The following NAV3 variants were observed in gnomAD, a reference collection of about 807,000 sequenced individuals.
NAV3 encodes pore membrane and/or filament interacting like protein 1.
NAV3 carries 87 observed loss-of-function variants against 244.7 expected under a neutral mutation model. The observed-to-expected ratio is 0.36, with a 90% CI of 0.30 to 0.42. The LOEUF is 0.42. NAV3 is among the 20% of genes least tolerant of loss of function. The probability of loss-of-function intolerance (pLI) is 1.00; values close to 1 mark genes in which losing one functional copy is unlikely to be tolerated. For missense variants in NAV3, 2,663 were observed against 2,893.3 expected, an observed-to-expected ratio of 0.92 and a Z score of 1.83; for synonymous variants, 1,126 against 1,042.2, an observed-to-expected ratio of 1.08 and a Z score of -1.55.
intron 1 of NAV3, among the ~76,000 whole-genome samples, chr12:77,847,985 C>A (rs1195937957): frequency 2.0e-5 from 3 of 152,188 alleles, no homozygotes; most frequent in Non-Finnish European, 4.4e-5. Flanking sequence ...TGTCTTGCCA[C>A]CTGGATTCTC....
chr12:78,190,371 C>T (rs1449318733), intron 34 of NAV3, 152 bp downstream of exon 34: 3 of 661,724 alleles, frequency 4.5e-6, no homozygotes, highest in African/African-American at 3.6e-5. Context: ...AGTGATCAAA[C>T]TCTGTTTCAT....
At chr12:77,653,088 G>A (rs1371278846) in intron 2 of NAV3, among the ~76,000 whole-genome samples, 5 of 152,174 alleles carry the variant, frequency 3.3e-5, no homozygotes, top group Admixed American at 6.5e-5. Flanking sequence ...ACGGGTCAGA[G>A]CCTTTAATAT....
intron 28 of NAV3, 110 bp from the exon 29 acceptor site, chr12:78,179,419 C>A: frequency 7.7e-7 from 1 of 1,303,026 alleles, no homozygotes; most frequent in Non-Finnish European, 1.1e-6. Context: ...AGCAGCACAC[C>A]ATATCTGTAC....
chr12:78,149,404 A>G (rs1956986749), intron 22 of NAV3, among the ~76,000 whole-genome samples: 1 of 152,154 alleles, frequency 6.6e-6, no homozygotes, highest in African/African-American at 2.4e-5. Context: ...GGTTTGCTCA[A>G]AAAACCTTGG....
At chr12:77,947,622 T>C (rs1388839943) in intron 3 of NAV3, 4 of 151,990 alleles carry the variant, frequency 2.6e-5, no homozygotes, top group Admixed American at 1.3e-4. Context: ...CTGGAATGGC[T>C]AGAAAAAGAT....
chr12:78,075,038 A>G (rs1003907470), intron 12 of NAV3, among the ~76,000 whole-genome samples: 2 of 152,104 alleles, frequency 1.3e-5, no homozygotes, highest in African/African-American at 4.8e-5. Flanking sequence ...ATTGAGAAGA[A>G]CTTTTTTCCC....
At chr12:77,730,803 C>A (rs1877090374) in intron 2 of NAV3, among the ~76,000 whole-genome samples, 1 of 148,172 alleles carries the variant, frequency 6.7e-6, no homozygotes. Context: ...CAAAAAAGCA[C>A]ATAATCATGA....
At chr12:78,028,899 A>G (rs943134282) in intron 9 of NAV3, among the ~76,000 whole-genome samples, 11 of 152,210 alleles carry the variant, frequency 7.2e-5, no homozygotes, top group South Asian at 2.1e-4. Flanking sequence ...TGATCCTTCA[A>G]TCGAAAAAGA....
At chr12:77,805,402 T>G (rs1871924278) in intron 2 of NAV3, among the ~76,000 whole-genome samples, 2 of 152,230 alleles carry the variant, frequency 1.3e-5, no homozygotes, top group South Asian at 4.1e-4. Context: ...ATCAAAGGTC[T>G]TTTCTGCATC....
chr12:77,977,689 T>TAC (rs35073855), intron 5 of NAV3, among the ~76,000 whole-genome samples: 2,401 of 141,964 alleles, frequency 0.017, 26 homozygotes, highest in Admixed American at 0.023. Flanking sequence ...GATATATATA[T>TAC]ACACACACAC....
At chr12:77,913,836 C>A (rs913039211) in intron 1 of NAV3, among the ~76,000 whole-genome samples, 1 of 152,020 alleles carries the variant, frequency 6.6e-6, no homozygotes, top group African/African-American at 2.4e-5. Context: ...AGTATGTTTC[C>A]TTAATTATGT....
chr12:77,856,642 T>G (rs1412999505), intron 1 of NAV3, among the ~76,000 whole-genome samples: 9 of 152,072 alleles, frequency 5.9e-5, no homozygotes, highest in Admixed American at 5.9e-4. Flanking sequence ...AATAATAAAA[T>G]AACATTCTTA....
At chr12:77,929,708 T>C (rs902197744) in intron 1 of NAV3, among the ~76,000 whole-genome samples, 1 of 151,772 alleles carries the variant, frequency 6.6e-6, no homozygotes, top group Non-Finnish European at 1.5e-5. Flanking sequence ...TCTCGGCTCA[T>C]TGCAACCTCT....
chr12:78,177,256 C>G lies in NAV3; in HGVS notation c.5240C>G (p.Pro1747Arg), dbSNP rs1958272763. 1 of 1,613,566 alleles carries G rather than the reference C, an allele frequency of 6.2e-7. No individual in the cohort carries two copies. The highest frequency in any genetic ancestry group is 2.2e-5 in the East Asian group (1 of 44,800). The change falls in exon 27 of 40, where the codon CCC becomes CGC. Residue 1747 changes from proline to arginine, a missense_variant. By Grantham distance (103) the Pro-to-Arg change is moderately radical. Coordinates refer to ENST00000397909, the MANE Select transcript of NAV3 (RefSeq NM_001024383.2). ...DSSLPASPKLPHNAGDCGSAS... is the reference protein window; with the variant it reads ...DSSLPASPKLRHNAGDCGSAS... ...TCCCTTCCGGCATCCCCCAAGTTACCCCATAATGCTGGTGACTGTGGCTCA... is the reference window on the plus strand; with the variant it reads ...TCCCTTCCGGCATCCCCCAAGTTACGCCATAATGCTGGTGACTGTGGCTCA...
At chr12:77,656,969 G>A (rs1873140913) in intron 2 of NAV3, among the ~76,000 whole-genome samples, 1 of 152,020 alleles carries the variant, frequency 6.6e-6, no homozygotes, top group East Asian at 1.9e-4. Context: ...GTGTGTAGAG[G>A]GAAATTTATA....
At chr12:77,716,559 C>A (rs1267625058) in intron 2 of NAV3, among the ~76,000 whole-genome samples, 1 of 151,516 alleles carries the variant, frequency 6.6e-6, no homozygotes, top group Admixed American at 6.6e-5. Context: ...TATATAACTC[C>A]TTGACTTTAT....
chr12:77,917,179 T>A (rs1887231459), intron 1 of NAV3, among the ~76,000 whole-genome samples: 1 of 152,014 alleles, frequency 6.6e-6, no homozygotes, highest in African/African-American at 2.4e-5. Context: ...AACCAGATGC[T>A]GTGGAAGAGG....
intron 2 of NAV3, among the ~76,000 whole-genome samples, chr12:77,766,996 A>G (rs556273538): frequency 7.9e-5 from 12 of 151,908 alleles, no homozygotes; most frequent in Non-Finnish European, 1.3e-4. Context: ...TCAGGTGATC[A>G]GCCCGCCTTG....
chr12:77,740,027 C>CT (rs1868299174), intron 2 of NAV3, among the ~76,000 whole-genome samples: 1 of 152,104 alleles, frequency 6.6e-6, no homozygotes, highest in Non-Finnish European at 1.5e-5. Flanking sequence ...TTCTTCAGTG[C>CT]TTTAAAAGAA....
Sources: gnomAD v4.1 joint callset for allele counts (sites outside exome capture counted in the v4.1 genomes callset) on GRCh38, gnomAD v4.1.1 for gene constraint, MANE v1.5 for transcripts, NCBI Gene and HGNC (gene_info 2026-07-23, HGNC 2026-07-21) for gene names.